The following KCNJ6 variants were observed in gnomAD, a reference collection of about 807,000 sequenced individuals.
The protein encoded by KCNJ6 is G protein-activated inward rectifier potassium channel 2.
A neutral mutation model predicts 34.2 loss-of-function variants in KCNJ6; 9 were observed. That is an observed-to-expected ratio of 0.26 (90% confidence interval 0.16 to 0.46). The LOEUF is 0.46. Ranked by LOEUF, KCNJ6 falls within the 20% of genes least tolerant of loss-of-function variation. The probability of loss-of-function intolerance (pLI) is 1.00; values close to 1 mark genes in which losing one functional copy is unlikely to be tolerated. For missense variants in KCNJ6, 236 were observed against 531.3 expected (o/e 0.44, Z 5.46); for synonymous variants, 196 against 207.1 (o/e 0.95, Z 0.46).
intron 3 of KCNJ6, among the ~76,000 whole-genome samples, chr21:37,665,769 T>C (rs1443890812): frequency 6.6e-6 from 1 of 152,230 alleles, no homozygotes; most frequent in Non-Finnish European, 1.5e-5. Context: ...TTGCTGCTGT[T>C]TAGTAATTCA....
intron 3 of KCNJ6, among the ~76,000 whole-genome samples, chr21:37,641,535 T>TC (rs1311324511): frequency 2.6e-5 from 4 of 152,124 alleles, no homozygotes; most frequent in Admixed American, 2.0e-4. Flanking sequence ...TAAAAATGTC[T>TC]CCCTGAGGAT....
chr21:37,706,885 A>G (rs1305866522), intron 3 of KCNJ6, among the ~76,000 whole-genome samples: 1 of 152,260 alleles, frequency 6.6e-6, no homozygotes, highest in Non-Finnish European at 1.5e-5. Context: ...AATCTAGGAG[A>G]GGAAATGGGA....
chr21:37,884,351 G>A (rs1020714363), intron 1 of KCNJ6, among the ~76,000 whole-genome samples: 2 of 152,050 alleles, frequency 1.3e-5, no homozygotes, highest in African/African-American at 4.8e-5. Context: ...CTGGGCTGGC[G>A]GGCTACCACG....
intron 1 of KCNJ6, among the ~76,000 whole-genome samples, chr21:37,894,349 G>C (rs2055777454): frequency 6.6e-6 from 1 of 152,152 alleles, no homozygotes; most frequent in African/African-American, 2.4e-5. Context: ...TGAGGTTTGA[G>C]AAACACTAAC....
rs905372448 is a variant in KCNJ6 at position 37,666,135 on chromosome 21, C to T, written c.947-40651G>A. Among the ~76,000 whole-genome samples, 80 of 152,120 alleles carry T rather than the reference C, an allele frequency of 5.3e-4. 1 individual carries two copies. The highest frequency in any genetic ancestry group is 1.8e-3 in the African/African-American group (74 of 41,430). On this transcript the variant is annotated intron_variant, in intron 3 of 3. Coordinates refer to ENST00000609713, the MANE Select transcript of KCNJ6 (RefSeq NM_002240.5). ...AGTGATCCTTCCCAAACCACAGAAGCGGGAGTGAAGGGATCCTATCCTTGG... is the reference window on the plus strand; with the variant it reads ...AGTGATCCTTCCCAAACCACAGAAGTGGGAGTGAAGGGATCCTATCCTTGG...
chr21:37,753,923 A>C (rs1193408025), intron 2 of KCNJ6, among the ~76,000 whole-genome samples: 2 of 152,150 alleles, frequency 1.3e-5, no homozygotes, highest in African/African-American at 4.8e-5. Context: ...GGTCTATTAC[A>C]TTGAGAACAA....
chr21:37,660,432 G>A (rs1356151817), intron 3 of KCNJ6, among the ~76,000 whole-genome samples: 1 of 152,172 alleles, frequency 6.6e-6, no homozygotes, highest in East Asian at 1.9e-4. Flanking sequence ...ACTGGTCGTG[G>A]GGTGTTCTGG....
At chr21:37,808,944 C>T (rs1209160219) in intron 2 of KCNJ6, among the ~76,000 whole-genome samples, 1 of 152,180 alleles carries the variant, frequency 6.6e-6, no homozygotes, top group Non-Finnish European at 1.5e-5. Flanking sequence ...CTAGTTCAAC[C>T]ATTGTGGAAG....
intron 2 of KCNJ6, among the ~76,000 whole-genome samples, chr21:37,814,917 G>A (rs962858038): frequency 1.4e-3 from 170 of 118,746 alleles, no homozygotes; most frequent in African/African-American, 4.6e-3. Context: ...AAAAAAAAAA[G>A]AACGAGAATT....
At chr21:37,796,754 G>C (rs1467463121) in intron 2 of KCNJ6, among the ~76,000 whole-genome samples, 1 of 146,168 alleles carries the variant, frequency 6.8e-6, no homozygotes, top group East Asian at 2.0e-4. Context: ...GGTCTCCTTT[G>C]AGTGTTTGTG....
At chr21:37,674,558 C>T (rs1018418769) in intron 3 of KCNJ6, among the ~76,000 whole-genome samples, 1 of 151,472 alleles carries the variant, frequency 6.6e-6, no homozygotes, top group Non-Finnish European at 1.5e-5. Flanking sequence ...CTCCAAGCTT[C>T]CTTTCACCAC....
At chr21:37,889,856 C>T (rs1302306107) in intron 1 of KCNJ6, among the ~76,000 whole-genome samples, 3 of 152,206 alleles carry the variant, frequency 2.0e-5, no homozygotes, top group East Asian at 1.9e-4. Flanking sequence ...CCCTAATGAC[C>T]TCATCTTAAC....
chr21:37,741,294 C>G (rs2054940317), intron 2 of KCNJ6, among the ~76,000 whole-genome samples: 1 of 152,186 alleles, frequency 6.6e-6, no homozygotes, highest in Non-Finnish European at 1.5e-5. Flanking sequence ...CTCTGCAGCC[C>G]AGGAGAATGA....
At chr21:37,655,284 A>T (rs1000548420) in intron 3 of KCNJ6, among the ~76,000 whole-genome samples, 16 of 107,812 alleles carry the variant, frequency 1.5e-4, no homozygotes, top group Admixed American at 7.7e-4. Context: ...AGAGAGAGAG[A>T]GTGTAACCAT....
intron 2 of KCNJ6, among the ~76,000 whole-genome samples, chr21:37,829,405 G>A (rs2055414382): frequency 6.6e-6 from 1 of 152,218 alleles, no homozygotes; most frequent in Admixed American, 6.5e-5. Context: ...TCTGGGAGCT[G>A]GGGGCCTCCA....
At position 37,611,750 on chromosome 21, in the gene KCNJ6, A is replaced by G. The variant is rs2054243402; in HGVS notation, c.*13409T>C. ...AGAAGAAAAATTGCATGATCATATC[A>G]ACAGATGCAGAAAAATCCAAACAGT... On this transcript the variant is annotated 3_prime_UTR_variant, in exon 4 of 4. Coordinates refer to ENST00000609713, the MANE Select transcript of KCNJ6 (RefSeq NM_002240.5). 1 of 152,204 alleles carries G rather than the reference A, an allele frequency of 6.6e-6. No homozygotes were observed. Among genetic ancestry groups the G allele is most frequent in the Admixed American group, 6.5e-5 (1 of 15,286 alleles). 9.4% of individuals were successfully genotyped at this position (152,204 alleles called of 1,614,324 possible). A position where few individuals can be genotyped will look rare whatever the true frequency, so the allele number is the denominator to read the frequency against.
chr21:37,779,028 C>CCATG (rs1270957933), intron 2 of KCNJ6, among the ~76,000 whole-genome samples: 4 of 152,024 alleles, frequency 2.6e-5, no homozygotes, highest in Admixed American at 6.6e-5. Flanking sequence ...CATCTCAGGG[C>CCATG]CATGCAAGAG....
intron 3 of KCNJ6, among the ~76,000 whole-genome samples, chr21:37,679,729 G>C (rs1370857056): frequency 6.6e-6 from 1 of 152,116 alleles, no homozygotes; most frequent in East Asian, 1.9e-4. Context: ...CTTCACCGAG[G>C]GGGCCTTCTG....
chr21:37,728,200 A>G (rs916761951), intron 2 of KCNJ6, among the ~76,000 whole-genome samples: 2 of 152,238 alleles, frequency 1.3e-5, no homozygotes, highest in African/African-American at 4.8e-5. Context: ...AATAAGCCAG[A>G]CACGAAAGGA....
Sources: gnomAD v4.1 joint callset for allele counts (sites outside exome capture counted in the v4.1 genomes callset) on GRCh38, gnomAD v4.1.1 for gene constraint, MANE v1.5 for transcripts, NCBI Gene and HGNC (gene_info 2026-07-23, HGNC 2026-07-21) for gene names.